Variants in CCDC174 observed in about 807,000 individuals in gnomAD.
CCDC174 encodes the protein coiled-coil domain containing 174, also known as coiled-coil domain-containing protein 174.
Under a neutral mutation model 57.1 loss-of-function variants are expected in CCDC174, and 37 were observed. The observed-to-expected ratio is 0.65, with a 90% CI of 0.50 to 0.85. The LOEUF (loss-of-function observed/expected upper bound fraction) is 0.85. Ranked by LOEUF, CCDC174 falls within the 40% of genes least tolerant of loss-of-function variation. The pLI, the probability that CCDC174 is intolerant of heterozygous loss-of-function variation, is 0.00. For synonymous variants in CCDC174, 182 were observed against 190.2 expected (o/e 0.96, Z 0.35); for missense variants, 540 against 574.3 (o/e 0.94, Z 0.61).
In CCDC174 at chr3:14,672,076, T is replaced by C. The variant is rs1171579694; in HGVS notation, c.*882T>C. 6.6e-6 allele frequency: 1 copy of C among 152,510 alleles called. No individual in the cohort carries two copies. The highest frequency in any genetic ancestry group is 1.5e-5 in the Non-Finnish European group (1 of 68,272). The allele number at this position is 152,510 out of a possible 1,614,324, so 9.4% of individuals were successfully genotyped here. A position where few individuals can be genotyped will look rare whatever the true frequency, so the allele number is the denominator to read the frequency against. On this transcript the variant is annotated 3_prime_UTR_variant, in exon 11 of 11. Transcript: ENST00000383794. The stretch of plus-strand genomic sequence containing the variant: ...GGGCAGGGCTCCAGAAAGTCAGCAG[T>C]GTGCCTGGGCACCCACCCCATCCTC...
At chr3:14,664,736 G>A (rs1046199908) in intron 5 of CCDC174, among the ~76,000 whole-genome samples, 13 of 152,214 alleles carry the variant, frequency 8.5e-5, no homozygotes, top group East Asian at 1.9e-4. Flanking sequence ...AAGTAAGTTC[G>A]TAGATGCTGC....
chr3:14,652,041 G>C (rs575555359), intron 1 of CCDC174, among the ~76,000 whole-genome samples, 163 bp downstream of exon 1: 62 of 152,266 alleles, frequency 4.1e-4, no homozygotes, highest in Non-Finnish European at 8.2e-4. Flanking sequence ...GCGGGGATCC[G>C]GTTCAGTTTT....
chr3:14,652,522 G>A (rs2030806111), intron 1 of CCDC174, among the ~76,000 whole-genome samples: 1 of 152,204 alleles, frequency 6.6e-6, no homozygotes, highest in Non-Finnish European at 1.5e-5. Flanking sequence ...GGCTTTAGGA[G>A]GTAGGTGCTA....
chr3:14,668,394 A>G (rs2031410287), intron 9 of CCDC174, among the ~76,000 whole-genome samples: 1 of 152,234 alleles, frequency 6.6e-6, no homozygotes, highest in African/African-American at 2.4e-5. Context: ...ATATGAAGCA[A>G]CAATACATTG....
At chr3:14,668,014 GC>G in intron 8 of CCDC174, 34 bp from the exon 9 acceptor site, 3 of 1,556,472 alleles carry the variant, frequency 1.9e-6, no homozygotes, top group Non-Finnish European at 2.6e-6. Context: ...TGCAAATTTG[GC>G]TTCAAGCAAA....
chr3:14,670,109 T>G (rs1445082645), intron 10 of CCDC174, 23 bp downstream of exon 10: 1 of 1,581,602 alleles, frequency 6.3e-7, no homozygotes, highest in Non-Finnish European at 8.5e-7. Context: ...GGCTCTGAGG[T>G]GTAAGAACTC....
chr3:14,667,203 A>G, intron 7 of CCDC174: 1 of 616,066 alleles, frequency 1.6e-6, no homozygotes, highest in South Asian at 2.1e-5. Context: ...CTGAAAGCAA[A>G]CGAACCCTTG....
At chr3:14,668,639 A>T (rs1463883460) in intron 9 of CCDC174, among the ~76,000 whole-genome samples, 1 of 152,070 alleles carries the variant, frequency 6.6e-6, no homozygotes, top group African/African-American at 2.4e-5. Context: ...GAAGTTGGTG[A>T]TGTGGAACTT....
chr3:14,652,677 A>G, intron 1 of CCDC174, among the ~76,000 whole-genome samples: 1 of 151,958 alleles, frequency 6.6e-6, no homozygotes, highest in East Asian at 1.9e-4. Flanking sequence ...TGAGGCGGGC[A>G]GATCACCTGA....
intron 4 of CCDC174, among the ~76,000 whole-genome samples, chr3:14,660,792 A>G (rs927515439): frequency 1.3e-5 from 2 of 152,244 alleles, no homozygotes; most frequent in African/African-American, 4.8e-5. Context: ...ATCAGAGAAA[A>G]AGACTCAAAT....
At chr3:14,667,850 T>C (rs2031390615) in intron 8 of CCDC174, among the ~76,000 whole-genome samples, 199 bp from the exon 9 acceptor site, 1 of 152,210 alleles carries the variant, frequency 6.6e-6, no homozygotes, top group African/African-American at 2.4e-5. Flanking sequence ...CTGTGAACTC[T>C]TATGAAACTT....
chr3:14,664,656 G>A (rs1020182327), intron 5 of CCDC174, among the ~76,000 whole-genome samples: 3 of 152,200 alleles, frequency 2.0e-5, no homozygotes, highest in African/African-American at 7.2e-5. Flanking sequence ...TGAGCAAGTT[G>A]AGAATCTCAG....
intron 7 of CCDC174, 174 bp from the exon 8 acceptor site, chr3:14,667,250 C>G (rs865937521): frequency 6.3e-5 from 41 of 651,130 alleles, no homozygotes; most frequent in Non-Finnish European, 2.6e-6. Context: ...AAAACTTGGT[C>G]TAACTTTTGT....
chr3:14,667,871 C>T (rs2031391512), intron 8 of CCDC174, 178 bp from the exon 9 acceptor site: 2 of 613,476 alleles, frequency 3.3e-6, no homozygotes, highest in Non-Finnish European at 5.7e-6. Flanking sequence ...TGTAAGACAT[C>T]AGAGGGTTCA....
intron 6 of CCDC174, 126 bp downstream of exon 6, chr3:14,665,249 T>TGATC (rs2031276154): frequency 1.5e-6 from 1 of 674,678 alleles, no homozygotes; most frequent in Admixed American, 2.5e-5. Flanking sequence ...ATTGATTGAT[T>TGATC]GATTGATTGA....
chr3:14,664,395 A>G (rs2031249411), intron 5 of CCDC174, among the ~76,000 whole-genome samples: 1 of 152,184 alleles, frequency 6.6e-6, no homozygotes. Flanking sequence ...CGTATTTTCC[A>G]TTGTAGGAAG....
At chr3:14,658,054 A>G (rs2031019304) in intron 3 of CCDC174, among the ~76,000 whole-genome samples, 1 of 152,232 alleles carries the variant, frequency 6.6e-6, no homozygotes, top group African/African-American at 2.4e-5. Context: ...TCCACCATGC[A>G]CTGCATTACT....
In CCDC174 at chr3:14,671,459, T is replaced by G. The variant is rs1280196143; in HGVS notation, c.*265T>G. ...AATAGAAGTATTTATTCTGTAAAAT[T>G]AGACACTGAGATGTGCTTATAACCC... On this transcript the variant is annotated 3_prime_UTR_variant, in exon 11 of 11. Transcript: ENST00000383794. 2.1e-5 allele frequency: 9 copies of G among 422,848 alleles called. No individual in the cohort carries two copies. The highest frequency in any genetic ancestry group is 8.1e-5 in the Admixed American group (2 of 24,802). The allele number at this position is 422,848 out of a possible 1,614,324, so 26.2% of individuals were successfully genotyped here.
intron 4 of CCDC174, among the ~76,000 whole-genome samples, chr3:14,661,078 A>G (rs1206682270): frequency 6.6e-6 from 1 of 152,170 alleles, no homozygotes; most frequent in Non-Finnish European, 1.5e-5. Flanking sequence ...GACCTTTAAA[A>G]CACTTACCAT....
Sources: gnomAD v4.1 joint callset for allele counts (sites outside exome capture counted in the v4.1 genomes callset) on GRCh38, gnomAD v4.1.1 for gene constraint, MANE v1.5 for transcripts, NCBI Gene and HGNC (gene_info 2026-07-23, HGNC 2026-07-21) for gene names.